Variants in MRPL13 observed in about 807,000 individuals in gnomAD.
MRPL13 encodes mitochondrial ribosomal protein L13, also known as large ribosomal subunit protein uL13m.
In MRPL13, 33 loss-of-function variants were observed where a neutral mutation model predicts 29.0. The observed-to-expected ratio is 1.14, with a 90% CI of 0.86 to 1.52. The LOEUF is 1.52. Among genes scored for constraint, MRPL13 ranks in the 40% most tolerant of loss-of-function variants. The pLI is 0.00. For synonymous variants in MRPL13, 77 were observed against 68.4 expected (o/e 1.13, Z -0.62); for missense variants, 227 against 216.7 (o/e 1.05, Z -0.30).
Position 120,417,018 on chromosome 8 carries a change from G to C in MRPL13, c.393+2834C>G, listed in dbSNP as rs546589815. Among the ~76,000 whole-genome samples, 121 of 152,286 alleles carry C rather than the reference G, an allele frequency of 7.9e-4. 1 individual carries two copies. The highest frequency in any genetic ancestry group is 2.8e-3 in the African/African-American group (117 of 41,562). Reference sequence around the variant, plus strand: ...ACTATATTATGTTGTTTACTCTGTAGTCTAGTCTCCTTTTATCGTAAGTTT... The same window carrying C: ...ACTATATTATGTTGTTTACTCTGTACTCTAGTCTCCTTTTATCGTAAGTTT... On this transcript the variant is annotated intron_variant, in intron 5 of 6. Transcript: ENST00000306185.
chr8:120,401,306 A>G (rs2130449912), intron 6 of MRPL13, among the ~76,000 whole-genome samples: 1 of 152,294 alleles, frequency 6.6e-6, no homozygotes, highest in Admixed American at 6.5e-5. Context: ...TATCCACCAC[A>G]ATCAAGTCAG....
In MRPL13 at chr8:120,419,949, T is replaced by G. The variant is rs201992737; in HGVS notation, c.307-11A>C. Reference sequence around the variant, plus strand: ...AGCTAGTTTTACAATCTGAAAGATATACATAGGACACAATAAGAAAATTGT... The same window carrying G: ...AGCTAGTTTTACAATCTGAAAGATAGACATAGGACACAATAAGAAAATTGT... On this transcript the variant is annotated splice_polypyrimidine_tract_variant and intron_variant, in intron 4 of 6. Coordinates refer to ENST00000306185, the MANE Select transcript of MRPL13 (RefSeq NM_014078.6). 2.0e-6 allele frequency: 3 copies of G among 1,531,570 alleles called. No individual in the cohort carries two copies. In the African/African-American group the frequency reaches 4.2e-5, roughly 21 times the overall value. 94.9% of individuals were successfully genotyped at this position (1,531,570 alleles called of 1,614,324 possible).
In MRPL13 at chr8:120,419,866, G is replaced by T; in HGVS notation, c.379C>A (p.Leu127Ile). 6.3e-7 allele frequency: 1 copy of T among 1,591,320 alleles called. No homozygotes were observed. Among genetic ancestry groups the T allele is most frequent in the Admixed American group, 1.7e-5 (1 of 57,306 alleles). The change falls in exon 5 of 7, where the codon CTT (leucine) becomes ATT (isoleucine). Residue 127 changes from leucine to isoleucine, a missense_variant. By Grantham distance (5) the Leu-to-Ile change is conservative. Transcript: ENST00000306185. ...HRRTMMERLH[L>I]FPDEYIPEDI... is the part of the protein sequence containing the mutation. ...CACTGACTTACCTCATCTGGAAAAA[G>T]ATGCAACCTTTCCATCATTGTTCTT...
intron 6 of MRPL13, among the ~76,000 whole-genome samples, chr8:120,402,069 T>A (rs1812603707): frequency 6.6e-6 from 1 of 152,208 alleles, no homozygotes; most frequent in Non-Finnish European, 1.5e-5. Context: ...AAAATGTCCA[T>A]ACTGCCCAAA....
intron 2 of MRPL13, 74 bp downstream of exon 2, chr8:120,443,111 T>C: frequency 7.6e-7 from 1 of 1,322,186 alleles, no homozygotes; most frequent in African/African-American, 1.5e-5. Flanking sequence ...AACTCAGCCC[T>C]GTTAAACTTC....
intron 1 of MRPL13, among the ~76,000 whole-genome samples, chr8:120,444,356 T>C (rs1813172407): frequency 2.0e-5 from 3 of 152,192 alleles, no homozygotes; most frequent in Admixed American, 2.0e-4. Flanking sequence ...TTCTTCCACC[T>C]GAAACCTGGT....
In MRPL13 at chr8:120,395,913, C is replaced by G; in HGVS notation, c.*191G>C. On this transcript the variant is annotated 3_prime_UTR_variant, in exon 7 of 7. Transcript: ENST00000306185. ...CAAATCAGATTACATAAAAATGGTT[C>G]TATAAAATTATATTTTAATTACAAT... 2 of 492,596 alleles carry G rather than the reference C, an allele frequency of 4.1e-6. No homozygotes were observed. Among genetic ancestry groups the G allele is most frequent in the African/African-American group, 2.0e-5 (1 of 49,440 alleles). The allele number at this position is 492,596 out of a possible 1,614,324, so 30.5% of individuals were successfully genotyped here.
chr8:120,426,620 T>C (rs1812934279), intron 3 of MRPL13, among the ~76,000 whole-genome samples: 2 of 152,190 alleles, frequency 1.3e-5, no homozygotes, highest in Non-Finnish European at 2.9e-5. Flanking sequence ...TATTCTGACG[T>C]ATTTGGAAAG....
Position 120,443,177 on chromosome 8 carries a change from ATACT to A in MRPL13, c.151+4_151+7del. Reference sequence around the variant, plus strand: ...AGTGGTTAATGACAGGTCTAAAATAATACTTACTCAGTGCATGGTACACAGGTTT... The same window carrying A: ...AGTGGTTAATGACAGGTCTAAAATAATACTCAGTGCATGGTACACAGGTTT... On this transcript the variant is annotated splice_donor_5th_base_variant and intron_variant, in intron 2 of 6. Coordinates refer to ENST00000306185, the MANE Select transcript of MRPL13 (RefSeq NM_014078.6). 1.3e-6 allele frequency: 2 copies of A among 1,532,040 alleles called. No individual in the cohort carries two copies. Among genetic ancestry groups the A allele is most frequent in the African/African-American group, 2.8e-5 (2 of 71,130 alleles). 94.9% of individuals were successfully genotyped at this position (1,532,040 alleles called of 1,614,324 possible). A position where few individuals can be genotyped will look rare whatever the true frequency, so the allele number is the denominator to read the frequency against.
chr8:120,403,747 C>T (rs1192886846), intron 6 of MRPL13, among the ~76,000 whole-genome samples: 1 of 152,100 alleles, frequency 6.6e-6, no homozygotes, highest in Non-Finnish European at 1.5e-5. Flanking sequence ...TCTACTAGTC[C>T]TTTTCTATAT....
chr8:120,426,948 TG>T (rs1186799886), intron 3 of MRPL13, among the ~76,000 whole-genome samples: 11 of 152,110 alleles, frequency 7.2e-5, no homozygotes, highest in African/African-American at 2.4e-4. Flanking sequence ...AAGACTTAGA[TG>T]TGAAAGTTCA....
At chr8:120,438,326 G>A (rs57481340) in intron 2 of MRPL13, among the ~76,000 whole-genome samples, 13,284 of 152,260 alleles carry the variant, frequency 0.087, 680 homozygotes, top group East Asian at 0.21. Context: ...GGATGGCAGA[G>A]TAAGACCCTG....
chr8:120,425,142 G>C (rs1000448456), intron 4 of MRPL13, among the ~76,000 whole-genome samples, 164 bp downstream of exon 4: 2 of 151,996 alleles, frequency 1.3e-5, no homozygotes, highest in Non-Finnish European at 2.9e-5. Flanking sequence ...ACATAGAGTT[G>C]AATATTAAAA....
chr8:120,413,985 A>G lies in MRPL13; in HGVS notation c.515+6T>C, dbSNP rs777538843. ...AAAAAAAAACAAGAAGAAGGGAAACACTTACGGAGTCCACAATCTTGGGAA... is the reference window on the plus strand; with the variant it reads ...AAAAAAAAACAAGAAGAAGGGAAACGCTTACGGAGTCCACAATCTTGGGAA... On this transcript the variant is annotated splice_donor_region_variant and intron_variant, in intron 6 of 6. Transcript: ENST00000306185. 3.0e-5 allele frequency: 46 copies of G among 1,540,782 alleles called. No individual in the cohort carries two copies. The highest frequency in any genetic ancestry group is 4.0e-5 in the Non-Finnish European group (46 of 1,152,288).
intron 1 of MRPL13, among the ~76,000 whole-genome samples, chr8:120,444,279 G>T (rs1388938327): frequency 6.6e-6 from 1 of 152,064 alleles, no homozygotes; most frequent in Non-Finnish European, 1.5e-5. Context: ...CCCAAGGAAG[G>T]AACCATACTT....
intron 6 of MRPL13, 58 bp from the exon 7 acceptor site, chr8:120,396,183 G>T: frequency 7.9e-7 from 1 of 1,270,760 alleles, no homozygotes; most frequent in Non-Finnish European, 1.1e-6. Flanking sequence ...TCTCCTGACT[G>T]ATGAGGATTA....
chr8:120,425,411 C>T (rs368918437), intron 3 of MRPL13, 45 bp from the exon 4 acceptor site: 5 of 1,315,760 alleles, frequency 3.8e-6, no homozygotes, highest in Admixed American at 1.9e-5. Flanking sequence ...TAGGCTGATA[C>T]TGTATTCTTA....
chr8:120,409,039 C>G (rs1213979190), intron 6 of MRPL13, among the ~76,000 whole-genome samples: 1 of 152,148 alleles, frequency 6.6e-6, no homozygotes, highest in East Asian at 1.9e-4. Flanking sequence ...CTCATACTTC[C>G]TTGTCTTCAT....
At chr8:120,404,589 A>G (rs996573638) in intron 6 of MRPL13, among the ~76,000 whole-genome samples, 1 of 152,212 alleles carries the variant, frequency 6.6e-6, no homozygotes, top group African/African-American at 2.4e-5. Context: ...GCATGCTTCT[A>G]CTACAATGTT....
Sources: allele counts gnomAD v4.1 joint callset (sites outside exome capture counted in the v4.1 genomes callset), GRCh38; gene constraint gnomAD v4.1.1; transcripts MANE v1.5; gene names NCBI Gene and HGNC (gene_info 2026-07-23, HGNC 2026-07-21).